ROBO1: variants seen among roughly 807,000 people sequenced by gnomAD.
ROBO1 encodes the protein roundabout homolog 1.
Under a neutral mutation model 195.9 loss-of-function variants are expected in ROBO1, and 149 were observed. The ratio of observed to expected loss-of-function variants is 0.76; its 90% CI spans 0.67 to 0.87. The LOEUF is 0.87. Ranked by LOEUF, ROBO1 falls within the 40% of genes least tolerant of loss-of-function variation. The pLI is 0.00. For missense variants in ROBO1, 1,933 were observed against 2,068.3 expected (o/e 0.93, Z 1.27); for synonymous variants, 816 against 733.2 (o/e 1.11, Z -1.82).
chr3:78,744,297 C>T (rs2082603532), intron 5 of ROBO1, among the ~76,000 whole-genome samples: 1 of 152,154 alleles, frequency 6.6e-6, no homozygotes, highest in Admixed American at 6.5e-5. Context: ...CTAGCCACTC[C>T]TCACTACCTT....
At chr3:79,307,661 C>A (rs1024615707) in intron 2 of ROBO1, among the ~76,000 whole-genome samples, 15 of 151,896 alleles carry the variant, frequency 9.9e-5, no homozygotes, top group African/African-American at 3.6e-4. Flanking sequence ...TGATAATTAT[C>A]TCAATGATGT....
At chr3:78,722,372 G>A (rs1323393381) in intron 5 of ROBO1, among the ~76,000 whole-genome samples, 2 of 152,104 alleles carry the variant, frequency 1.3e-5, no homozygotes, top group Non-Finnish European at 2.9e-5. Context: ...AGAAATGTTA[G>A]TGGATAAGCA....
intron 2 of ROBO1, among the ~76,000 whole-genome samples, chr3:79,168,681 C>G (rs1386609621): frequency 6.6e-6 from 1 of 152,116 alleles, no homozygotes; most frequent in Non-Finnish European, 1.5e-5. Flanking sequence ...TTCAACGTTT[C>G]CATTTATTTA....
At chr3:79,518,261 T>C (rs1318376571) in intron 2 of ROBO1, among the ~76,000 whole-genome samples, 2 of 152,050 alleles carry the variant, frequency 1.3e-5, no homozygotes, top group Admixed American at 6.5e-5. Flanking sequence ...TACTCAGATT[T>C]GGGAGAAAAA....
At chr3:79,342,841 C>A (rs2034962452) in intron 2 of ROBO1, among the ~76,000 whole-genome samples, 1 of 152,124 alleles carries the variant, frequency 6.6e-6, no homozygotes, top group South Asian at 2.1e-4. Context: ...AACAGCTGAA[C>A]CTACATTGCA....
chr3:78,991,576 T>A (rs2077238685), intron 3 of ROBO1, among the ~76,000 whole-genome samples: 1 of 152,224 alleles, frequency 6.6e-6, no homozygotes, highest in Non-Finnish European at 1.5e-5. Flanking sequence ...AAACCTGGTA[T>A]AATGCTCACT....
intron 2 of ROBO1, among the ~76,000 whole-genome samples, chr3:79,547,947 T>C (rs1942332710): frequency 6.6e-6 from 1 of 151,902 alleles, no homozygotes; most frequent in Non-Finnish European, 1.5e-5. Flanking sequence ...TCTCCTTTTT[T>C]TGATGGAGTA....
chr3:79,468,144 G>A (rs2107303093), intron 2 of ROBO1, among the ~76,000 whole-genome samples: 1 of 152,272 alleles, frequency 6.6e-6, no homozygotes, highest in East Asian at 1.9e-4. Context: ...AAACAAACCA[G>A]TAATATTTAA....
At chr3:79,144,515 C>A (rs1303618522) in intron 2 of ROBO1, among the ~76,000 whole-genome samples, 1 of 151,562 alleles carries the variant, frequency 6.6e-6, no homozygotes, top group Non-Finnish European at 1.5e-5. Flanking sequence ...TTTTTTAAAT[C>A]CTTCTTTTCT....
At chr3:79,011,773 T>C (rs1025438425) in intron 3 of ROBO1, among the ~76,000 whole-genome samples, 17 of 151,910 alleles carry the variant, frequency 1.1e-4, no homozygotes, top group African/African-American at 3.9e-4. Flanking sequence ...TTTTATGTCA[T>C]ATGAATACTA....
chr3:78,601,338 G>A (rs1355884825), intron 29 of ROBO1, among the ~76,000 whole-genome samples: 1 of 152,100 alleles, frequency 6.6e-6, no homozygotes, highest in Non-Finnish European at 1.5e-5. Context: ...CTCCACCTCT[G>A]AGGCCCAAGC....
intron 4 of ROBO1, among the ~76,000 whole-genome samples, chr3:78,860,004 A>G (rs1266814353): frequency 9.9e-5 from 15 of 151,722 alleles, no homozygotes; most frequent in South Asian, 4.2e-4. Flanking sequence ...GCATGAACCC[A>G]GGAGGCGGAG....
chr3:79,534,904 G>T (rs920110928), intron 2 of ROBO1, among the ~76,000 whole-genome samples: 1 of 152,040 alleles, frequency 6.6e-6, no homozygotes, highest in African/African-American at 2.4e-5. Context: ...GCATACTAAC[G>T]ACTGCAGCTT....
intron 4 of ROBO1, among the ~76,000 whole-genome samples, chr3:78,755,694 T>A (rs2082911977): frequency 6.6e-6 from 1 of 152,254 alleles, no homozygotes; most frequent in African/African-American, 2.4e-5. Context: ...AGGTTTCTAA[T>A]CTGAGTAACT....
At chr3:79,023,907 T>A (rs2078153930) in intron 3 of ROBO1, among the ~76,000 whole-genome samples, 1 of 151,376 alleles carries the variant, frequency 6.6e-6, no homozygotes, top group Non-Finnish European at 1.5e-5. Flanking sequence ...AGACGGGGTT[T>A]CACTATGTTG....
At chr3:79,372,588 C>T (rs1439834416) in intron 2 of ROBO1, among the ~76,000 whole-genome samples, 2 of 151,908 alleles carry the variant, frequency 1.3e-5, no homozygotes, top group African/African-American at 2.4e-5. Context: ...CTCTGCCTTC[C>T]CCCCTACCCC....
intron 2 of ROBO1, among the ~76,000 whole-genome samples, chr3:79,247,807 C>T (rs1448709390): frequency 6.6e-6 from 1 of 152,064 alleles, no homozygotes; most frequent in Non-Finnish European, 1.5e-5. Context: ...GTACAACAAA[C>T]ACAAGCAGAC....
chr3:78,770,686 C>A (rs1015969371), intron 4 of ROBO1, among the ~76,000 whole-genome samples: 1 of 152,110 alleles, frequency 6.6e-6, no homozygotes, highest in Non-Finnish European at 1.5e-5. Flanking sequence ...AGGACATAGT[C>A]CTAAGTTCTT....
chr3:79,678,474 T>G (rs2106952447), intron 1 of ROBO1, among the ~76,000 whole-genome samples: 1 of 152,168 alleles, frequency 6.6e-6, no homozygotes, highest in African/African-American at 2.4e-5. Flanking sequence ...ATTTAAAATT[T>G]GTAACTTTAG....
Sources: gnomAD v4.1 joint callset for allele counts (sites outside exome capture counted in the v4.1 genomes callset) on GRCh38, gnomAD v4.1.1 for gene constraint, MANE v1.5 for transcripts, NCBI Gene and HGNC (gene_info 2026-07-23, HGNC 2026-07-21) for gene names.